The following PLEKHG1 variants were observed in gnomAD, a reference collection of about 807,000 sequenced individuals.
PLEKHG1 encodes the protein pleckstrin homology and RhoGEF domain containing G1, also known as pleckstrin homology domain-containing family G member 1.
PLEKHG1 carries 44 observed loss-of-function variants against 100.8 expected under a neutral mutation model. That is an observed-to-expected ratio of 0.44 (90% CI 0.34 to 0.56). PLEKHG1 has a LOEUF of 0.56. Ranked by LOEUF, PLEKHG1 falls within the 20% of genes least tolerant of loss-of-function variation. PLEKHG1 has a pLI of 0.01. For synonymous variants in PLEKHG1, 640 were observed against 662.5 expected, an observed-to-expected ratio of 0.97 and a Z score of 0.52; for missense variants, 1,545 against 1,720.9, an observed-to-expected ratio of 0.90 and a Z score of 1.81.
intron 3 of PLEKHG1, among the ~76,000 whole-genome samples, chr6:150,672,927 C>T (rs1213453490): frequency 2.0e-5 from 3 of 152,138 alleles, no homozygotes; most frequent in African/African-American, 7.2e-5. Context: ...GCTTATTTCC[C>T]CCTTCAAATT....
chr6:150,779,346 T>TTG (rs538911050), intron 3 of PLEKHG1, among the ~76,000 whole-genome samples: 6 of 134,444 alleles, frequency 4.5e-5, no homozygotes, highest in African/African-American at 1.5e-4. Flanking sequence ...GTCAAGAAGT[T>TTG]TTTTTTTTTT....
intron 2 of PLEKHG1, among the ~76,000 whole-genome samples, chr6:150,640,334 C>T (rs763006153): frequency 7.2e-5 from 11 of 152,214 alleles, no homozygotes; most frequent in South Asian, 2.1e-4. Flanking sequence ...TTTACTTCTC[C>T]GAGCAAATAG....
At chr6:150,652,489 G>C (rs193000468) in intron 3 of PLEKHG1, among the ~76,000 whole-genome samples, 1 of 152,054 alleles carries the variant, frequency 6.6e-6, no homozygotes, top group African/African-American at 2.4e-5. Flanking sequence ...TTGGGAGGCC[G>C]AGGGGGGTGG....
rs56759411 is a variant in PLEKHG1, at chr6:150,774,409, CTCTT to C, written c.512+5675_512+5678del. Among the ~76,000 whole-genome samples the C allele has an allele frequency of 7.1e-3, 1,085 of 152,020 alleles. 11 individuals carry two copies. The highest frequency in any genetic ancestry group is 0.025 in the African/African-American group (1,037 of 41,470). On this transcript the variant is annotated intron_variant, in intron 3 of 15. Coordinates refer to ENST00000358517, the Ensembl canonical transcript of PLEKHG1. ...TTAATAAAGTTAGCATATGATTTTACTCTTTCTATTCATAATGTGGTAAATATTA... is the reference window on the plus strand; with the variant it reads ...TTAATAAAGTTAGCATATGATTTTACTCTATTCATAATGTGGTAAATATTA...
At chr6:150,714,479 T>C (rs780667790) in intron 3 of PLEKHG1, among the ~76,000 whole-genome samples, 1 of 152,172 alleles carries the variant, frequency 6.6e-6, no homozygotes, top group Non-Finnish European at 1.5e-5. Context: ...TGGCCGACTG[T>C]TGAAAGGTAT....
chr6:150,749,562 A>G (rs560015770), intron 2 of PLEKHG1, among the ~76,000 whole-genome samples: 3 of 152,154 alleles, frequency 2.0e-5, no homozygotes, highest in Non-Finnish European at 4.4e-5. Flanking sequence ...CTGTAAGACC[A>G]CAGAGACTTT....
intron 1 of PLEKHG1, among the ~76,000 whole-genome samples, chr6:150,623,615 G>A (rs991441811): frequency 4.5e-4 from 68 of 152,300 alleles, no homozygotes; most frequent in African/African-American, 1.6e-3. Flanking sequence ...TACTGCAAAC[G>A]GACAGCAGAG....
rs566803223 is a variant in PLEKHG1 at position 150,670,445 on chromosome 6, C to T, written c.-99+19659C>T. 3.9e-4 allele frequency among the ~76,000 whole-genome samples: 59 copies of T among 152,274 alleles called. 3 individuals carry two copies. In the South Asian group the frequency reaches 7.7e-3, roughly 20 times the overall value. On this transcript the variant is annotated intron_variant, in intron 3 of 3. Transcript: ENST00000367326. The stretch of plus-strand genomic sequence containing the variant: ...GAAGGCTAACCCAGAAGGACAACAT[C>T]GAAGCCCTGAGCAGGGCAGCCACCT...
intron 2 of PLEKHG1, among the ~76,000 whole-genome samples, chr6:150,761,518 C>T (rs998497528): frequency 6.6e-6 from 1 of 152,048 alleles, no homozygotes; most frequent in Admixed American, 6.6e-5. Context: ...TGGTCTCGAA[C>T]TCCTGACCTC....
chr6:150,601,377 C>T (rs1276288613), intron 1 of PLEKHG1, among the ~76,000 whole-genome samples: 2 of 152,212 alleles, frequency 1.3e-5, no homozygotes, highest in African/African-American at 2.4e-5. Flanking sequence ...TGCCTCTGGT[C>T]GTCTTGGCTG....
intron 1 of PLEKHG1, among the ~76,000 whole-genome samples, chr6:150,635,490 C>G (rs570677669): frequency 6.6e-6 from 1 of 152,276 alleles, no homozygotes; most frequent in East Asian, 1.9e-4. Context: ...CTACTTTGAG[C>G]TAATTTTGTT....
chr6:150,797,777 G>A (rs1786433560), intron 5 of PLEKHG1, among the ~76,000 whole-genome samples: 1 of 137,066 alleles, frequency 7.3e-6, no homozygotes, highest in African/African-American at 2.8e-5. Context: ...GGAGGTTGCA[G>A]TGAACTGAGA....
chr6:150,681,497 T>C (rs1306184908), intron 3 of PLEKHG1, among the ~76,000 whole-genome samples: 1 of 142,862 alleles, frequency 7.0e-6, no homozygotes, highest in Non-Finnish European at 1.5e-5. Context: ...AGCGTGACTC[T>C]GTCTCAAAAA....
At chr6:150,753,817 G>T (rs1387965315) in intron 2 of PLEKHG1, among the ~76,000 whole-genome samples, 1 of 152,200 alleles carries the variant, frequency 6.6e-6, no homozygotes, top group African/African-American at 2.4e-5. Flanking sequence ...CAAAGGCTGG[G>T]AGCAAGGGAG....
intron 1 of PLEKHG1, among the ~76,000 whole-genome samples, chr6:150,603,342 G>A (rs1212053385): frequency 6.6e-6 from 1 of 152,148 alleles, no homozygotes; most frequent in Admixed American, 6.5e-5. Flanking sequence ...CGGTCATTCA[G>A]AGTCACGGGC....
rs57840463 is a variant in PLEKHG1, at chr6:150,644,334, GTTTTT to G, written c.-158+6223_-158+6227del. 2.4e-4 allele frequency among the ~76,000 whole-genome samples: 28 copies of G among 117,600 alleles called. 1 individual carries two copies. The South Asian group carries it at 8.3e-3, about 35-fold the overall frequency. 77.2% of individuals were successfully genotyped at this position (117,600 alleles called of 152,430 possible). On this transcript the variant is annotated intron_variant, in intron 2 of 3. Transcript: ENST00000367326. Reference sequence around the variant, plus strand: ...AAGAGAGTGGTTTTTTTCTTTTCGTGTTTTTTTTTTTTTTTTTTGTTACAGAGTCT... The same window carrying G: ...AAGAGAGTGGTTTTTTTCTTTTCGTGTTTTTTTTTTTTTGTTACAGAGTCT...
intron 15 of PLEKHG1, among the ~76,000 whole-genome samples, chr6:150,836,785 T>A (rs1777242262): frequency 6.7e-6 from 1 of 149,434 alleles, no homozygotes; most frequent in Non-Finnish European, 1.5e-5. Context: ...ATTGTACCAT[T>A]CCACTCTAGC....
At chr6:150,629,547 G>A (rs113921141) in intron 1 of PLEKHG1, among the ~76,000 whole-genome samples, 7,328 of 151,850 alleles carry the variant, frequency 0.048, 237 homozygotes, top group Middle Eastern at 0.082. Context: ...TGCAACCTCC[G>A]CCTCCCGGGT....
intron 3 of PLEKHG1, among the ~76,000 whole-genome samples, chr6:150,773,520 C>T (rs576996639): frequency 2.0e-5 from 3 of 152,188 alleles, no homozygotes; most frequent in Admixed American, 6.5e-5. Context: ...GGCGACAAAG[C>T]GAGACTCCGT....
Sources: allele counts gnomAD v4.1 joint callset (sites outside exome capture counted in the v4.1 genomes callset), GRCh38; gene constraint gnomAD v4.1.1; transcripts MANE v1.5; gene names NCBI Gene and HGNC (gene_info 2026-07-23, HGNC 2026-07-21).